Variants in NARS2 observed in about 807,000 individuals in gnomAD.
The protein encoded by NARS2 is asparaginyl-tRNA synthetase.
In NARS2, 60 loss-of-function variants were observed where a neutral mutation model predicts 62.9. The ratio of observed to expected loss-of-function variants is 0.95; its 90% CI spans 0.77 to 1.18. NARS2 has a LOEUF of 1.18. Among genes scored for constraint, NARS2 ranks in the 50% most tolerant of loss-of-function variants. NARS2 has a pLI of 0.00. For missense variants in NARS2, 619 were observed against 576.4 expected, an observed-to-expected ratio of 1.07 and a Z score of -0.76; for synonymous variants, 196 against 200.0, an observed-to-expected ratio of 0.98 and a Z score of 0.17.
intron 9 of NARS2, among the ~76,000 whole-genome samples, chr11:78,478,061 T>C (rs970731456): frequency 6.6e-6 from 1 of 152,198 alleles, no homozygotes; most frequent in Non-Finnish European, 1.5e-5. Context: ...TGAATTCTTG[T>C]CTTGTTGTAA....
chr11:78,540,472 T>A lies in NARS2; in HGVS notation c.595-11536A>T, dbSNP rs1855567810. 5.7e-5 allele frequency among the ~76,000 whole-genome samples: 5 copies of A among 87,360 alleles called. No homozygotes were observed. In the South Asian group the frequency reaches 2.2e-3, roughly 38 times the overall value. The allele number at this position is 87,360 out of a possible 152,430, so 57.3% of individuals were successfully genotyped here. A position where few individuals can be genotyped will look rare whatever the true frequency, so the allele number is the denominator to read the frequency against. ...AGCTGAACAGTGGAAAGGAATATAATCAACAATGGAAAACTTATTTGACCT... is the reference window on the plus strand; with the variant it reads ...AGCTGAACAGTGGAAAGGAATATAAACAACAATGGAAAACTTATTTGACCT... On this transcript the variant is annotated intron_variant, in intron 5 of 13. Coordinates refer to ENST00000281038, the MANE Select transcript of NARS2 (RefSeq NM_024678.6).
intron 1 of NARS2, among the ~76,000 whole-genome samples, chr11:78,572,291 C>G (rs1439523791): frequency 2.0e-5 from 3 of 152,206 alleles, no homozygotes; most frequent in African/African-American, 7.2e-5. Flanking sequence ...ATTCTAACCT[C>G]TTTATAAATA....
chr11:78,513,736 T>C (rs1860802728), intron 6 of NARS2, among the ~76,000 whole-genome samples: 1 of 152,034 alleles, frequency 6.6e-6, no homozygotes, highest in Non-Finnish European at 1.5e-5. Flanking sequence ...ACTGTACATA[T>C]TGGTCTACTA....
intron 7 of NARS2, among the ~76,000 whole-genome samples, chr11:78,487,382 A>G (rs1859626986): frequency 6.6e-6 from 1 of 151,730 alleles, no homozygotes; most frequent in African/African-American, 2.4e-5. Flanking sequence ...AAAGAAAGAA[A>G]AAGAGAGAGA....
At chr11:78,444,722 C>CAAAG (rs1565202510) in intron 11 of NARS2, among the ~76,000 whole-genome samples, 3 of 104,572 alleles carry the variant, frequency 2.9e-5, no homozygotes, top group South Asian at 3.0e-4. Context: ...CTGTCTCAAA[C>CAAAG]AAAACAAAAA....
chr11:78,574,256 T>C (rs1857034250), intron 1 of NARS2, 92 bp downstream of exon 1: 2 of 1,536,290 alleles, frequency 1.3e-6, no homozygotes, highest in Admixed American at 1.7e-5. Flanking sequence ...CTGGCGGTTG[T>C]GTCTGACCCG....
intron 6 of NARS2, among the ~76,000 whole-genome samples, chr11:78,502,290 G>C (rs1051446978): frequency 2.0e-5 from 3 of 152,208 alleles, no homozygotes; most frequent in Admixed American, 6.5e-5. Flanking sequence ...CAAGACCAAA[G>C]TGACAGCAGG....
intron 7 of NARS2, among the ~76,000 whole-genome samples, chr11:78,489,381 A>T (rs952605): frequency 0.25 from 37,771 of 152,038 alleles, 5,135 homozygotes; most frequent in East Asian, 0.42. Flanking sequence ...AAAACCACAA[A>T]GAGATACTAA....
intron 5 of NARS2, among the ~76,000 whole-genome samples, chr11:78,535,050 T>C (rs1247690597): frequency 2.0e-5 from 3 of 152,252 alleles, no homozygotes; most frequent in Non-Finnish European, 4.4e-5. Flanking sequence ...GACTTTCACA[T>C]ATAAAAGTAT....
chr11:78,436,139 G>C lies in NARS2; in HGVS notation c.*531C>G, dbSNP rs1053864449. On this transcript the variant is annotated 3_prime_UTR_variant, in exon 14 of 14. Coordinates refer to ENST00000281038, the MANE Select transcript of NARS2 (RefSeq NM_024678.6). Reference sequence around the variant, plus strand: ...TTTTTCATCCAGTTCAATGAAAGGAGATTTCAATTCAGAATAGCTACTTCT... The same window carrying C: ...TTTTTCATCCAGTTCAATGAAAGGACATTTCAATTCAGAATAGCTACTTCT... 1.3e-5 allele frequency: 2 copies of C among 152,226 alleles called. No homozygotes were observed. Among genetic ancestry groups the C allele is most frequent in the Non-Finnish European group, 2.9e-5 (2 of 68,110 alleles). 9.4% of individuals were successfully genotyped at this position (152,226 alleles called of 1,614,324 possible).
chr11:78,541,681 C>T (rs1213573457), intron 5 of NARS2, among the ~76,000 whole-genome samples: 1 of 152,082 alleles, frequency 6.6e-6, no homozygotes, highest in Non-Finnish European at 1.5e-5. Flanking sequence ...GCACTCCAGC[C>T]TAGGTGAGAG....
At chr11:78,468,648 C>T (rs1858735700) in intron 10 of NARS2, among the ~76,000 whole-genome samples, 1 of 152,068 alleles carries the variant, frequency 6.6e-6, no homozygotes, top group African/African-American at 2.4e-5. Context: ...TTGTGATCCA[C>T]CCGCCTCAGC....
chr11:78,530,684 G>C (rs554387456), intron 5 of NARS2, among the ~76,000 whole-genome samples: 1 of 152,102 alleles, frequency 6.6e-6, no homozygotes, highest in Non-Finnish European at 1.5e-5. Context: ...TGTTGGCCAG[G>C]ATGGTCTCCT....
chr11:78,526,331 T>C (rs994867944), intron 6 of NARS2, among the ~76,000 whole-genome samples: 17 of 152,146 alleles, frequency 1.1e-4, no homozygotes, highest in African/African-American at 3.6e-4. Context: ...AACAGAGATA[T>C]CCTTTTGGAA....
At chr11:78,561,552 T>A (rs957911613) in intron 4 of NARS2, among the ~76,000 whole-genome samples, 3 of 152,206 alleles carry the variant, frequency 2.0e-5, no homozygotes, top group Admixed American at 2.0e-4. Flanking sequence ...AACCAGATAT[T>A]TTATAAGGCT....
intron 1 of NARS2, among the ~76,000 whole-genome samples, chr11:78,571,957 G>A (rs1409898284): frequency 2.6e-5 from 4 of 152,114 alleles, no homozygotes; most frequent in East Asian, 1.9e-4. Flanking sequence ...CGAGAAGGAC[G>A]GATCACTTGA....
chr11:78,509,545 A>G (rs986891351), intron 6 of NARS2, among the ~76,000 whole-genome samples: 1 of 152,336 alleles, frequency 6.6e-6, no homozygotes, highest in East Asian at 1.9e-4. Context: ...CTTTAAAAAA[A>G]AACCTAAAAC....
At chr11:78,538,317 A>G (rs1855449974) in intron 5 of NARS2, among the ~76,000 whole-genome samples, 1 of 152,178 alleles carries the variant, frequency 6.6e-6, no homozygotes, top group African/African-American at 2.4e-5. Context: ...CATTTCCGTG[A>G]TAATCTGTAT....
intron 4 of NARS2, among the ~76,000 whole-genome samples, chr11:78,563,962 C>T (rs1307250941): frequency 1.4e-5 from 2 of 146,446 alleles, no homozygotes; most frequent in East Asian, 2.0e-4. Flanking sequence ...AGTGCAGTGG[C>T]GCAGTCTCTA....
Sources: allele counts gnomAD v4.1 joint callset (sites outside exome capture counted in the v4.1 genomes callset), GRCh38; gene constraint gnomAD v4.1.1; transcripts MANE v1.5; gene names NCBI Gene and HGNC (gene_info 2026-07-23, HGNC 2026-07-21).